KCNH8: variants seen among roughly 807,000 people sequenced by gnomAD.
KCNH8 encodes the protein voltage-gated delayed rectifier potassium channel KCNH8.
A neutral mutation model predicts 103.6 loss-of-function variants in KCNH8; 70 were observed. The observed-to-expected ratio is 0.68, with a 90% CI of 0.56 to 0.82. The LOEUF is 0.82. KCNH8 is among the 40% of genes least tolerant of loss of function. KCNH8 has a pLI of 0.00. For synonymous variants in KCNH8, 498 were observed against 489.4 expected (o/e 1.02, Z -0.23); for missense variants, 1,217 against 1,329.9 (o/e 0.92, Z 1.32).
chr3:19,349,555 C>T (rs1405404948), intron 5 of KCNH8, among the ~76,000 whole-genome samples: 2 of 152,016 alleles, frequency 1.3e-5, no homozygotes, highest in African/African-American at 4.8e-5. Flanking sequence ...TTGTTATTTA[C>T]AACTTTGTTA....
At chr3:19,393,489 C>G (rs2066469529) in intron 6 of KCNH8, among the ~76,000 whole-genome samples, 1 of 152,010 alleles carries the variant, frequency 6.6e-6, no homozygotes, top group South Asian at 2.1e-4. Context: ...AATGGGGAGA[C>G]TGTATCAAAA....
intron 3 of KCNH8, among the ~76,000 whole-genome samples, chr3:19,299,306 CCAGA>C (rs2065034455): frequency 6.6e-6 from 1 of 151,376 alleles, no homozygotes; most frequent in African/African-American, 2.4e-5. Flanking sequence ...ATGATTCTGG[CCAGA>C]CACAGTGTCT....
chr3:19,506,467 G>C (rs1195860021), intron 11 of KCNH8, among the ~76,000 whole-genome samples: 1 of 152,164 alleles, frequency 6.6e-6, no homozygotes, highest in Non-Finnish European at 1.5e-5. Flanking sequence ...TGATTCAATA[G>C]GTGGTGCTTA....
chr3:19,220,534 G>A (rs1228658722), intron 1 of KCNH8, among the ~76,000 whole-genome samples: 1 of 152,182 alleles, frequency 6.6e-6, no homozygotes, highest in Non-Finnish European at 1.5e-5. Flanking sequence ...CATCTAAAAT[G>A]AATGAGTCTT....
rs369790736 is a variant in KCNH8, at chr3:19,155,360, C to T, written c.76+6565C>T. ...CCTCTTTATTGCTTCTGTTTTAATT[C>T]TGATCATCTTTTTCTTATCTCTACA... is the stretch of plus-strand genomic sequence containing the variant. On this transcript the variant is annotated intron_variant, in intron 1 of 15. Transcript: ENST00000328405. Among the ~76,000 whole-genome samples the T allele has an allele frequency of 1.5e-3, 231 of 152,220 alleles. 1 individual carries two copies. Among genetic ancestry groups the T allele is most frequent in the African/African-American group, 5.2e-3 (214 of 41,528 alleles).
chr3:19,175,031 C>T (rs2063384001), intron 1 of KCNH8, among the ~76,000 whole-genome samples: 1 of 152,152 alleles, frequency 6.6e-6, no homozygotes, highest in Admixed American at 6.5e-5. Flanking sequence ...AATTTGGCCT[C>T]TTAACCTTGG....
chr3:19,299,362 G>T (rs188290997), intron 3 of KCNH8, among the ~76,000 whole-genome samples: 1 of 152,208 alleles, frequency 6.6e-6, no homozygotes, highest in African/African-American at 2.4e-5. Flanking sequence ...AGGAACAGTG[G>T]CTCCCGCCTG....
At chr3:19,490,051 C>T (rs1045755992) in intron 11 of KCNH8, among the ~76,000 whole-genome samples, 6 of 152,320 alleles carry the variant, frequency 3.9e-5, no homozygotes, top group East Asian at 3.9e-4. Flanking sequence ...TGCTGTCCAC[C>T]GCTCTGACGA....
At chr3:19,312,309 A>G (rs1173683697) in intron 3 of KCNH8, among the ~76,000 whole-genome samples, 1 of 151,918 alleles carries the variant, frequency 6.6e-6, no homozygotes, top group Non-Finnish European at 1.5e-5. Flanking sequence ...ATTTCAGAAC[A>G]TGAGGAAAAC....
At chr3:19,262,911 T>G (rs560178675) in intron 2 of KCNH8, among the ~76,000 whole-genome samples, 1 of 152,212 alleles carries the variant, frequency 6.6e-6, no homozygotes, top group Non-Finnish European at 1.5e-5. Flanking sequence ...TCTTCTCACC[T>G]AGCCCTCCCA....
At chr3:19,251,480 A>G (rs1412593970) in intron 1 of KCNH8, among the ~76,000 whole-genome samples, 1 of 152,038 alleles carries the variant, frequency 6.6e-6, no homozygotes, top group East Asian at 1.9e-4. Context: ...CTCTGGGGTT[A>G]GGCGCTGATT....
chr3:19,487,271 C>G (rs547705597), intron 11 of KCNH8, among the ~76,000 whole-genome samples: 8 of 152,204 alleles, frequency 5.3e-5, no homozygotes, highest in Admixed American at 2.0e-4. Flanking sequence ...TAAGTCCAGA[C>G]AGGTAAACCA....
intron 1 of KCNH8, among the ~76,000 whole-genome samples, chr3:19,174,351 CAGTTTCCTCAAAAAT>C (rs1279752263): frequency 6.6e-6 from 1 of 152,102 alleles, no homozygotes; most frequent in Non-Finnish European, 1.5e-5. Flanking sequence ...ACAAATATGG[CAGTTTCCTCAAAAAT>C]AGTATTAAAA....
chr3:19,528,819 C>T (rs1354302587), intron 15 of KCNH8, among the ~76,000 whole-genome samples: 5 of 152,068 alleles, frequency 3.3e-5, no homozygotes, highest in Admixed American at 6.6e-5. Context: ...GTATTCTAGG[C>T]ATTGCCTTGA....
chr3:19,213,104 T>C (rs1235219693), intron 1 of KCNH8, among the ~76,000 whole-genome samples: 1 of 152,210 alleles, frequency 6.6e-6, no homozygotes, highest in African/African-American at 2.4e-5. Flanking sequence ...TTGCACCCAA[T>C]GTAGGAATCT....
intron 10 of KCNH8, among the ~76,000 whole-genome samples, chr3:19,455,630 C>T (rs1411446983): frequency 1.3e-5 from 2 of 151,988 alleles, no homozygotes; most frequent in Admixed American, 1.3e-4. Context: ...TGGTATTCAC[C>T]AGTACCTGCT....
intron 1 of KCNH8, among the ~76,000 whole-genome samples, chr3:19,219,183 A>G (rs192691385): frequency 5.1e-4 from 78 of 152,010 alleles, no homozygotes; most frequent in Admixed American, 1.4e-3. Flanking sequence ...CATCCTCACT[A>G]CCACTGTCCT....
intron 5 of KCNH8, among the ~76,000 whole-genome samples, chr3:19,383,901 G>A (rs1559301136): frequency 6.6e-6 from 1 of 151,666 alleles, no homozygotes; most frequent in Non-Finnish European, 1.5e-5. Context: ...GATTAAATAA[G>A]GTTTTTTCAG....
intron 11 of KCNH8, among the ~76,000 whole-genome samples, chr3:19,466,849 TG>T (rs2067749318): frequency 6.6e-6 from 1 of 151,628 alleles, no homozygotes. Context: ...TTAGTAGAGA[TG>T]GGGTTTCTCC....
Sources: gnomAD v4.1 joint callset for allele counts (sites outside exome capture counted in the v4.1 genomes callset) on GRCh38, gnomAD v4.1.1 for gene constraint, MANE v1.5 for transcripts, NCBI Gene and HGNC (gene_info 2026-07-23, HGNC 2026-07-21) for gene names.